CAST: variants seen among roughly 807,000 people sequenced by gnomAD.
The protein encoded by CAST is calpastatin, also known as MIR583 host.
A neutral mutation model predicts 119.6 loss-of-function variants in CAST; 76 were observed. That is an observed-to-expected ratio of 0.64 (90% CI 0.53 to 0.77). The LOEUF is 0.77. Among genes scored for constraint, CAST ranks in the 30% least tolerant of loss-of-function variants. The pLI is 0.00. For synonymous variants in CAST, 319 were observed against 331.6 expected (o/e 0.96, Z 0.41); for missense variants, 953 against 946.5 (o/e 1.01, Z -0.09).
chr5:96,576,797 A>C lies in CAST; in HGVS notation c.60+46917A>C, dbSNP rs150915850. On this transcript the variant is annotated intron_variant, in intron 1 of 11. Transcript: ENST00000505143. ...TCGTTTTTGTTTTTTCTAATTATACAGCTTGTAAGTGGCCCTAACTGACCT... is the reference window on the plus strand; with the variant it reads ...TCGTTTTTGTTTTTTCTAATTATACCGCTTGTAAGTGGCCCTAACTGACCT... 6.2e-3 allele frequency among the ~76,000 whole-genome samples: 941 copies of C among 151,988 alleles called. 6 individuals carry two copies. Among genetic ancestry groups the C allele is most frequent in the Non-Finnish European group, 9.4e-3 (640 of 67,972 alleles).
the CAST span, among the ~76,000 whole-genome samples, chr5:96,485,251 C>T: frequency 6.6e-6 from 1 of 152,150 alleles, no homozygotes; most frequent in Non-Finnish European, 1.5e-5. Flanking sequence ...CGAACACTCA[C>T]AAGTCAATGT....
chr5:96,293,817 G>A, the CAST span, among the ~76,000 whole-genome samples: 1 of 151,978 alleles, frequency 6.6e-6, no homozygotes, highest in African/African-American at 2.4e-5. Context: ...GTGTGCAGTA[G>A]CCCAATCTCA....
In CAST at chr5:96,767,928, C is replaced by T; in HGVS notation, c.2197C>T (p.Pro733Ser). The change falls in exon 29 of 32, where the codon CCC becomes TCC. Residue 733 changes from proline to serine, a missense_variant. By Grantham distance (74) the Pro-to-Ser change is moderately conservative. Coordinates refer to ENST00000675179, the MANE Select transcript of CAST (RefSeq NM_001750.7). The part of the protein sequence containing the change: ...DSKKPADDQD[P>S]IDALSGDLDS... Reference sequence around the variant, plus strand: ...TCAGAAACCTGCAGATGACCAAGACCCCATTGATGCTCTCTCAGGAGATCT... The same window carrying T: ...TCAGAAACCTGCAGATGACCAAGACTCCATTGATGCTCTCTCAGGAGATCT... 1 of 1,613,214 alleles carries T rather than the reference C, an allele frequency of 6.2e-7. No homozygotes were observed. The highest frequency in any genetic ancestry group is 8.5e-7 in the Non-Finnish European group (1 of 1,179,306).
At chr5:96,708,373 T>C (rs1401754258) in intron 3 of CAST, among the ~76,000 whole-genome samples, 2 of 152,226 alleles carry the variant, frequency 1.3e-5, no homozygotes, top group Admixed American at 1.3e-4. Flanking sequence ...CTTAAGTCTC[T>C]ATGCAGTTAT....
rs530414550 is a variant in CAST at position 96,549,161 on chromosome 5, T to C, written c.60+19281T>C. Reference sequence around the variant, plus strand: ...GAGCTACAAAGCAGCTGGTTTTAATTAACTGGCACAAGCACAAATGATAAA... The same window carrying C: ...GAGCTACAAAGCAGCTGGTTTTAATCAACTGGCACAAGCACAAATGATAAA... On this transcript the variant is annotated intron_variant, in intron 1 of 11. Coordinates refer to the CAST transcript ENST00000505143. Among the ~76,000 whole-genome samples the C allele has an allele frequency of 3.9e-5, 6 of 152,304 alleles. No homozygotes were observed. The East Asian group carries it at 9.7e-4, about 25-fold the overall frequency.
At chr5:96,389,306 T>G in the CAST span, among the ~76,000 whole-genome samples, 3 of 152,200 alleles carry the variant, frequency 2.0e-5, no homozygotes, top group African/African-American at 7.2e-5. Flanking sequence ...TATGTTAATT[T>G]GCTTGACTGT....
intron 1 of CAST, among the ~76,000 whole-genome samples, chr5:96,633,746 G>A (rs1474112554): frequency 6.6e-6 from 1 of 152,194 alleles, no homozygotes; most frequent in African/African-American, 2.4e-5. Flanking sequence ...AACAGAAATA[G>A]CAAAGCCTAG....
In CAST at chr5:96,662,480, G is replaced by T. The variant is rs1400438244; in HGVS notation, c.58G>T (p.Ala20Ser). The change falls in exon 1 of 32, where the codon GCC becomes TCC. Residue 20 changes from alanine (A) to serine (S), a missense_variant. By Grantham distance (99) the Ala-to-Ser change is moderately conservative. Transcript: ENST00000675179. ...ASPRPRRAAAARRTHEHVSEK... is the reference protein window; with the variant it reads ...ASPRPRRAAASRRTHEHVSEK... ...CCCGCGGCCCCGGCGAGCAGCCGCC[G>T]CCCGCCGCACCCATGAGGTGAGTGG... is the stretch of plus-strand genomic sequence containing the variant. 2.8e-6 allele frequency: 4 copies of T among 1,427,666 alleles called. 1 individual carries two copies. The highest frequency in any genetic ancestry group is 1.4e-5 in the South Asian group (1 of 69,386). The allele number at this position is 1,427,666 out of a possible 1,614,324, so 88.4% of individuals were successfully genotyped here.
chr5:96,032,757 A>G, the CAST span, among the ~76,000 whole-genome samples: 1 of 152,040 alleles, frequency 6.6e-6, no homozygotes. Context: ...TTTATATACC[A>G]CTTCTCTAAA....
chr5:96,603,974 A>G (rs1293065720), intron 1 of CAST, among the ~76,000 whole-genome samples: 5 of 151,980 alleles, frequency 3.3e-5, no homozygotes, highest in Non-Finnish European at 7.4e-5. Flanking sequence ...TACATTAACC[A>G]GGCTAGACTT....
chr5:96,733,211 T>C (rs960931136), intron 9 of CAST, among the ~76,000 whole-genome samples: 1 of 152,202 alleles, frequency 6.6e-6, no homozygotes, highest in Non-Finnish European at 1.5e-5. Context: ...GTATACTACC[T>C]TGAGACTCAT....
chr5:96,500,141 C>T, the CAST span, among the ~76,000 whole-genome samples: 2 of 152,096 alleles, frequency 1.3e-5, no homozygotes, highest in Non-Finnish European at 2.9e-5. Flanking sequence ...ATCACTATAA[C>T]AGATAAAATA....
chr5:96,316,032 G>A, the CAST span, among the ~76,000 whole-genome samples: 2 of 152,152 alleles, frequency 1.3e-5, no homozygotes, highest in Admixed American at 6.5e-5. Context: ...AACCCACCCA[G>A]CTGAGCCTGA....
At chr5:96,755,356 GA>G (rs1010764097) in intron 22 of CAST, among the ~76,000 whole-genome samples, 68 of 151,328 alleles carry the variant, frequency 4.5e-4, no homozygotes, top group African/African-American at 1.5e-3. Context: ...AGTAAAAAAT[GA>G]AAAAAAATAA....
chr5:96,569,643 T>A (rs1402017012), intron 1 of CAST, among the ~76,000 whole-genome samples: 1 of 152,208 alleles, frequency 6.6e-6, no homozygotes, highest in South Asian at 2.1e-4. Context: ...TTTGTCTTAC[T>A]GCTAACCTAG....
chr5:96,620,661 CATT>C (rs998076008), intron 1 of CAST, among the ~76,000 whole-genome samples: 1 of 152,056 alleles, frequency 6.6e-6, no homozygotes, highest in African/African-American at 2.4e-5. Context: ...GACATAACCT[CATT>C]GTAAGTTAAG....
chr5:96,390,952 A>G, the CAST span: 2 of 152,786 alleles, frequency 1.3e-5, no homozygotes, highest in African/African-American at 4.8e-5. Context: ...AGGAAGAATC[A>G]AAAGAAAGAT....
chr5:96,659,829 A>T (rs1309895489), upstream of CAST, among the ~76,000 whole-genome samples: 1 of 152,026 alleles, frequency 6.6e-6, no homozygotes, highest in African/African-American at 2.4e-5. Context: ...CGCACCATCT[A>T]TATTTAAAAG....
At chr5:96,063,776 C>T in the CAST span, among the ~76,000 whole-genome samples, 1 of 152,166 alleles carries the variant, frequency 6.6e-6, no homozygotes, top group African/African-American at 2.4e-5. Context: ...TCCCAATTTA[C>T]AGATGAGGAA....
Sources: gnomAD v4.1 joint callset for allele counts (sites outside exome capture counted in the v4.1 genomes callset) on GRCh38, gnomAD v4.1.1 for gene constraint, MANE v1.5 for transcripts, NCBI Gene and HGNC (gene_info 2026-07-23, HGNC 2026-07-21) for gene names.